PLCXD3: variants seen among roughly 807,000 people sequenced by gnomAD.
PLCXD3 encodes phosphatidylinositol specific phospholipase C X domain containing 3.
Under a neutral mutation model 25.5 loss-of-function variants are expected in PLCXD3, and 19 were observed. That is an observed-to-expected ratio of 0.75 (90% CI 0.52 to 1.09). The LOEUF is 1.09. PLCXD3 is among the 50% of genes least tolerant of loss of function. The pLI is 0.00. For missense variants in PLCXD3, 411 were observed against 388.1 expected, an observed-to-expected ratio of 1.06 and a Z score of -0.50; for synonymous variants, 174 against 137.6, an observed-to-expected ratio of 1.26 and a Z score of -1.85.
At chr5:41,356,131 T>C (rs1744611614) in intron 2 of PLCXD3, among the ~76,000 whole-genome samples, 2 of 152,114 alleles carry the variant, frequency 1.3e-5, no homozygotes, top group Admixed American at 1.3e-4. Flanking sequence ...CCAGGCGTGG[T>C]GGCAGGCGCC....
At chr5:41,495,467 G>A (rs142164208) in intron 1 of PLCXD3, among the ~76,000 whole-genome samples, 17 of 152,256 alleles carry the variant, frequency 1.1e-4, no homozygotes, top group South Asian at 6.2e-4. Context: ...CTTTTTGATG[G>A]GATACCCAAG....
At chr5:41,403,907 TG>T (rs1163896091) in intron 1 of PLCXD3, among the ~76,000 whole-genome samples, 1 of 151,970 alleles carries the variant, frequency 6.6e-6, no homozygotes, top group Non-Finnish European at 1.5e-5. Context: ...TATAGTCCTT[TG>T]GGTATAAATA....
At chr5:41,381,469 ACATGAGAAAATGG>A (rs1745459071) in intron 2 of PLCXD3, among the ~76,000 whole-genome samples, 1 of 152,118 alleles carries the variant, frequency 6.6e-6, no homozygotes, top group South Asian at 2.1e-4. Flanking sequence ...ACACAGAGAC[ACATGAGAAAATGG>A]CATGAGAAAA....
chr5:41,317,266 G>T (rs764237446), intron 2 of PLCXD3, among the ~76,000 whole-genome samples: 1 of 152,212 alleles, frequency 6.6e-6, no homozygotes, highest in African/African-American at 2.4e-5. Context: ...CCATCAAGGT[G>T]GTACCTCTAC....
At chr5:41,430,529 G>C (rs1282273188) in intron 1 of PLCXD3, among the ~76,000 whole-genome samples, 1 of 152,140 alleles carries the variant, frequency 6.6e-6, no homozygotes, top group African/African-American at 2.4e-5. Context: ...GAATATTTAG[G>C]AAAGATACAA....
At chr5:41,317,810 T>C (rs1416694620) in intron 2 of PLCXD3, among the ~76,000 whole-genome samples, 1 of 151,222 alleles carries the variant, frequency 6.6e-6, no homozygotes, top group Non-Finnish European at 1.5e-5. Flanking sequence ...TATTTGAAAA[T>C]ATACAGAGGA....
intron 1 of PLCXD3, among the ~76,000 whole-genome samples, chr5:41,445,325 G>C (rs1474589852): frequency 6.6e-6 from 1 of 152,206 alleles, no homozygotes; most frequent in Non-Finnish European, 1.5e-5. Flanking sequence ...ACATAAGTCA[G>C]ATCTTCCTGG....
intron 1 of PLCXD3, among the ~76,000 whole-genome samples, chr5:41,403,286 T>C: frequency 6.6e-6 from 1 of 150,850 alleles, no homozygotes; most frequent in East Asian, 2.0e-4. Flanking sequence ...AACTCTTTTT[T>C]TTTTTTTCTA....
In PLCXD3 at chr5:41,308,744, G is replaced by A. The variant is rs1743058189; in HGVS notation, c.*4873C>T. The A allele has an allele frequency of 6.6e-6, 1 of 151,996 alleles. No individual in the cohort carries two copies. The highest frequency in any genetic ancestry group is 2.4e-5 in the African/African-American group (1 of 41,382). 9.4% of individuals were successfully genotyped at this position (151,996 alleles called of 1,614,324 possible). A position where few individuals can be genotyped will look rare whatever the true frequency, so the allele number is the denominator to read the frequency against. On this transcript the variant is annotated 3_prime_UTR_variant, in exon 3 of 3. Transcript: ENST00000377801. ...ATGGTTTGGAGAAACAATTTTTCATGGAAAATTTATCATTAAAGAAAAATG... is the reference window on the plus strand; with the variant it reads ...ATGGTTTGGAGAAACAATTTTTCATAGAAAATTTATCATTAAAGAAAAATG...
intron 1 of PLCXD3, among the ~76,000 whole-genome samples, chr5:41,383,189 C>G (rs572631552): frequency 1.3e-5 from 2 of 152,166 alleles, no homozygotes; most frequent in African/African-American, 4.8e-5. Flanking sequence ...ATGAACTGTT[C>G]TTGCAAGTCA....
rs75527604 is a variant in PLCXD3 at position 41,418,749 on chromosome 5, A to C, written c.104-36215T>G. Among the ~76,000 whole-genome samples, 53 of 152,248 alleles carry C rather than the reference A, an allele frequency of 3.5e-4. No individual in the cohort carries two copies. In the East Asian group the frequency reaches 6.6e-3, roughly 19 times the overall value. On this transcript the variant is annotated intron_variant, in intron 1 of 2. Coordinates refer to ENST00000377801, the MANE Select transcript of PLCXD3 (RefSeq NM_001005473.3). ...CCAGATACCAACTGAAAAAACTTTC[A>C]CTCATAAACTATCCTAATTGTTTGT...
intron 1 of PLCXD3, among the ~76,000 whole-genome samples, chr5:41,404,366 T>C (rs1746290331): frequency 1.3e-5 from 2 of 152,232 alleles, no homozygotes; most frequent in South Asian, 4.1e-4. Context: ...TTTTATTTTC[T>C]TATGGTATAA....
intron 2 of PLCXD3, among the ~76,000 whole-genome samples, chr5:41,354,881 A>G (rs1485399656): frequency 1.3e-5 from 2 of 152,210 alleles, no homozygotes; most frequent in Non-Finnish European, 2.9e-5. Context: ...ATGAAATCCA[A>G]GGAAGGCCCC....
chr5:41,468,515 ATCTCT>A (rs1329965243), intron 1 of PLCXD3, among the ~76,000 whole-genome samples: 2 of 151,958 alleles, frequency 1.3e-5, no homozygotes, highest in African/African-American at 4.8e-5. Context: ...AACACAGGAG[ATCTCT>A]TCATTTATCT....
At chr5:41,425,233 A>G (rs937468568) in intron 1 of PLCXD3, among the ~76,000 whole-genome samples, 14 of 151,830 alleles carry the variant, frequency 9.2e-5, no homozygotes. Context: ...CTTTACTTTC[A>G]ACCTTTTTGT....
intron 2 of PLCXD3, among the ~76,000 whole-genome samples, chr5:41,338,562 C>T (rs1306307768): frequency 6.6e-6 from 1 of 151,964 alleles, no homozygotes; most frequent in Non-Finnish European, 1.5e-5. Flanking sequence ...CTTGAGCATC[C>T]TTTTCCAGGG....
chr5:41,364,620 G>C (rs1290249922), intron 2 of PLCXD3, among the ~76,000 whole-genome samples: 6 of 152,100 alleles, frequency 3.9e-5, no homozygotes, highest in Admixed American at 3.9e-4. Flanking sequence ...AGACAGCTGG[G>C]GCAAGAACAT....
chr5:41,452,417 G>A (rs569690999), intron 1 of PLCXD3, among the ~76,000 whole-genome samples: 1 of 152,082 alleles, frequency 6.6e-6, no homozygotes, highest in Non-Finnish European at 1.5e-5. Flanking sequence ...GAGACTATAA[G>A]GCTTTCATCC....
chr5:41,392,835 A>T (rs1196698574), intron 1 of PLCXD3, among the ~76,000 whole-genome samples: 1 of 152,212 alleles, frequency 6.6e-6, no homozygotes, highest in African/African-American at 2.4e-5. Context: ...CGAAATTCAG[A>T]ATTCTATCAG....
Sources: gnomAD v4.1 joint callset for allele counts (sites outside exome capture counted in the v4.1 genomes callset) on GRCh38, gnomAD v4.1.1 for gene constraint, MANE v1.5 for transcripts, NCBI Gene and HGNC (gene_info 2026-07-23, HGNC 2026-07-21) for gene names.